Variants in STK32B observed in about 807,000 individuals in gnomAD.
The protein encoded by STK32B is serine/threonine-protein kinase 32B.
Under a neutral mutation model 52.6 loss-of-function variants are expected in STK32B, and 43 were observed. The ratio of observed to expected loss-of-function variants is 0.82; its 90% confidence interval spans 0.64 to 1.05. STK32B has a LOEUF of 1.05. Ranked by LOEUF, STK32B falls within the 50% of genes least tolerant of loss-of-function variation. The pLI, the probability that STK32B is intolerant of heterozygous loss-of-function variation, is 0.00. For missense variants in STK32B, 621 were observed against 534.6 expected (o/e 1.16, Z -1.59); for synonymous variants, 238 against 204.3 (o/e 1.17, Z -1.41).
At chr4:5,416,621 C>T (rs1474493506) in intron 5 of STK32B, among the ~76,000 whole-genome samples, 1 of 152,114 alleles carries the variant, frequency 6.6e-6, no homozygotes, top group Non-Finnish European at 1.5e-5. Context: ...TGTATCCTGC[C>T]CCTCAATATA....
At position 5,395,995 on chromosome 4, in the gene STK32B, A is replaced by C. The variant is rs1007022321; in HGVS notation, c.435-2212A>C. 6.6e-6 allele frequency among the ~76,000 whole-genome samples: 1 copy of C among 152,258 alleles called. No individual in the cohort carries two copies. The highest frequency in any genetic ancestry group is 1.5e-5 in the Non-Finnish European group (1 of 68,040). On this transcript the variant is annotated intron_variant, in intron 4 of 11. Coordinates refer to ENST00000282908, the MANE Select transcript of STK32B (RefSeq NM_018401.3). This position sits in a 1 kb window ranked among gnomAD's most constrained non-coding sequence, Gnocchi z 4.4. ...CCAGGCCCTGGGCTTGTCCAAGGCC[A>C]TGCTGTCATTAATGGGGCCCTAGCT...
At chr4:5,152,111 A>G (rs1717416717) in intron 2 of STK32B, among the ~76,000 whole-genome samples, 1 of 152,204 alleles carries the variant, frequency 6.6e-6, no homozygotes, top group African/African-American at 2.4e-5. Flanking sequence ...ACTGTAAGAA[A>G]ACAGGTCTGC....
chr4:5,200,696 A>G (rs1722071218), intron 3 of STK32B, among the ~76,000 whole-genome samples: 2 of 152,174 alleles, frequency 1.3e-5, no homozygotes. Flanking sequence ...AGTTGCAGGG[A>G]TCCAGGGACC....
chr4:5,403,434 C>T (rs540695145), intron 5 of STK32B, among the ~76,000 whole-genome samples: 3 of 152,294 alleles, frequency 2.0e-5, no homozygotes, highest in Admixed American at 6.5e-5. Context: ...TTCCCCACTC[C>T]CCATCCTCCT....
chr4:5,479,901 A>G (rs567256612), intron 11 of STK32B, among the ~76,000 whole-genome samples: 1 of 152,114 alleles, frequency 6.6e-6, no homozygotes, highest in Non-Finnish European at 1.5e-5. Context: ...GGATATGTAA[A>G]TGGCTAAAAG....
At chr4:5,307,480 C>T (rs1033318987) in intron 3 of STK32B, among the ~76,000 whole-genome samples, 1 of 151,380 alleles carries the variant, frequency 6.6e-6, no homozygotes, top group African/African-American at 2.4e-5. Flanking sequence ...TCTTGATTTC[C>T]AGAAGTGGTG....
chr4:5,129,685 C>A (rs962695534), intron 1 of STK32B, among the ~76,000 whole-genome samples: 5 of 152,128 alleles, frequency 3.3e-5, no homozygotes, highest in African/African-American at 1.2e-4. Context: ...ACCTTTAGTA[C>A]CTTACCGCAT....
intron 1 of STK32B, among the ~76,000 whole-genome samples, chr4:5,092,865 T>C (rs1472032455): frequency 6.6e-6 from 1 of 152,108 alleles, no homozygotes; most frequent in African/African-American, 2.4e-5. Flanking sequence ...GCGATTTGGG[T>C]GGGGGACACA....
chr4:5,410,366 G>A (rs1022624202), intron 5 of STK32B, among the ~76,000 whole-genome samples: 7 of 151,704 alleles, frequency 4.6e-5, no homozygotes, highest in African/African-American at 7.3e-5. Context: ...GATTTATTCC[G>A]AATTCAAGAA....
intron 5 of STK32B, among the ~76,000 whole-genome samples, chr4:5,407,231 T>C (rs1158274588): frequency 6.6e-6 from 1 of 152,104 alleles, no homozygotes; most frequent in Non-Finnish European, 1.5e-5. Flanking sequence ...TCCCAATAGG[T>C]TCCTCATCTC....
intron 3 of STK32B, among the ~76,000 whole-genome samples, chr4:5,316,420 T>A (rs1386302451): frequency 4.2e-5 from 1 of 23,874 alleles, no homozygotes; most frequent in Non-Finnish European, 5.4e-5. Flanking sequence ...TAATATATAT[T>A]ACATATATAA....
intron 3 of STK32B, among the ~76,000 whole-genome samples, chr4:5,277,339 T>C (rs1577282633): frequency 6.6e-6 from 1 of 152,164 alleles, no homozygotes; most frequent in African/African-American, 2.4e-5. Context: ...AGAGAACAGG[T>C]CATTTCCAGA....
intron 6 of STK32B, among the ~76,000 whole-genome samples, chr4:5,432,761 T>A (rs965307996): frequency 1.3e-5 from 2 of 149,610 alleles, no homozygotes; most frequent in Non-Finnish European, 3.0e-5. Flanking sequence ...AAACTTGGAA[T>A]GATTTTGAGC....
In STK32B at chr4:5,243,821, C is replaced by T. The variant is rs191060718; in HGVS notation, c.260+75371C>T. Among the ~76,000 whole-genome samples the T allele has an allele frequency of 3.5e-3, 539 of 152,240 alleles. 4 individuals are homozygous for T. The highest frequency in any genetic ancestry group is 0.016 in the South Asian group (75 of 4,816). On this transcript the variant is annotated intron_variant, in intron 3 of 11. Transcript: ENST00000282908. The stretch of plus-strand genomic sequence containing the variant: ...TGAATTTTGTCAAAGGCCTTTTCTG[C>T]ATCTATTGAGATAATCATGTGGTTT...
Position 5,499,308 on chromosome 4 carries a change from C to A in STK32B, c.*225C>A. The A allele has an allele frequency of 2.1e-6, 1 of 474,856 alleles. No homozygotes were observed. The highest frequency in any genetic ancestry group is 3.5e-6 in the Non-Finnish European group (1 of 287,454). The allele number at this position is 474,856 out of a possible 1,614,324, so 29.4% of individuals were successfully genotyped here. On this transcript the variant is annotated 3_prime_UTR_variant, in exon 12 of 12. Coordinates refer to ENST00000282908, the MANE Select transcript of STK32B (RefSeq NM_018401.3). The stretch of plus-strand genomic sequence containing the variant: ...CTCTCTGTGCCTCCGTTTTCTGCAT[C>A]TGCCAAAGGGGTTAAACACTTCTGC...
intron 3 of STK32B, among the ~76,000 whole-genome samples, chr4:5,254,978 G>A (rs73081684): frequency 0.13 from 18,668 of 141,346 alleles, 3,871 homozygotes; most frequent in African/African-American, 0.45. Flanking sequence ...ATATATATAT[G>A]TTTATTGAGC....
chr4:5,059,658 C>T (rs891852650), intron 1 of STK32B, among the ~76,000 whole-genome samples: 8 of 152,048 alleles, frequency 5.3e-5, no homozygotes, highest in African/African-American at 9.7e-5. Flanking sequence ...CCAATACATT[C>T]GAAGTGGACA....
intron 3 of STK32B, among the ~76,000 whole-genome samples, chr4:5,294,295 T>A (rs571140278): frequency 6.6e-6 from 1 of 151,200 alleles, no homozygotes; most frequent in Admixed American, 6.6e-5. Context: ...CCATGTGAAA[T>A]TTAAAGTAGT....
intron 6 of STK32B, 107 bp from the exon 7 acceptor site, chr4:5,446,564 AAC>A: frequency 2.0e-6 from 2 of 985,820 alleles, no homozygotes; most frequent in Non-Finnish European, 1.5e-6. Flanking sequence ...CTCAAAAAAA[AAC>A]AAAAAAAAAA....
Sources: gnomAD v4.1 joint callset for allele counts (sites outside exome capture counted in the v4.1 genomes callset) on GRCh38, gnomAD v4.1.1 for gene constraint, Gnocchi (gnomAD v3.1) non-coding constraint, MANE v1.5 for transcripts, NCBI Gene and HGNC (gene_info 2026-07-23, HGNC 2026-07-21) for gene names.